RHOA: variants seen among roughly 807,000 people sequenced by gnomAD.
The protein encoded by RHOA is ras homolog family member A, also known as transforming protein RhoA.
In RHOA, 3 loss-of-function variants were observed where a neutral mutation model predicts 17.5. That is an observed-to-expected ratio of 0.17 (90% confidence interval 0.08 to 0.44). The LOEUF (loss-of-function observed/expected upper bound fraction) is 0.44. Ranked by LOEUF, RHOA falls within the 20% of genes least tolerant of loss-of-function variation. RHOA has a pLI of 0.99. For missense variants in RHOA, 56 were observed against 242.3 expected, an observed-to-expected ratio of 0.23 and a Z score of 5.10; for synonymous variants, 98 against 88.4, an observed-to-expected ratio of 1.11 and a Z score of -0.61.
At chr3:49,380,752 G>T (rs1404811515) in intron 1 of RHOA, among the ~76,000 whole-genome samples, 1 of 149,638 alleles carries the variant, frequency 6.7e-6, no homozygotes, top group East Asian at 1.9e-4. Flanking sequence ...ATTGTCTAAA[G>T]GGTATGTTCC....
intron 2 of RHOA, among the ~76,000 whole-genome samples, chr3:49,369,515 C>T (rs1256033351): frequency 6.6e-6 from 1 of 150,914 alleles, no homozygotes; most frequent in Non-Finnish European, 1.5e-5. Context: ...GGCTGACTGC[C>T]TGAGCTCAGG....
intron 2 of RHOA, among the ~76,000 whole-genome samples, chr3:49,369,513 G>C (rs900248266): frequency 7.0e-6 from 1 of 142,348 alleles, no homozygotes; most frequent in South Asian, 2.3e-4. Flanking sequence ...CGGGCTGACT[G>C]CCTGAGCTCA....
At chr3:49,386,694 T>G (rs765360628) in intron 1 of RHOA, among the ~76,000 whole-genome samples, 7 of 152,204 alleles carry the variant, frequency 4.6e-5, no homozygotes, top group Non-Finnish European at 1.0e-4. Context: ...ACTCGATTAA[T>G]TAATATGCAA....
intron 1 of RHOA, among the ~76,000 whole-genome samples, chr3:49,399,324 C>T (rs376873221): frequency 3.3e-5 from 5 of 150,294 alleles, no homozygotes; most frequent in East Asian, 3.9e-4. Context: ...GAGCCGAGAT[C>T]GCACCACTGC....
intron 3 of RHOA, among the ~76,000 whole-genome samples, chr3:49,364,030 G>A (rs2048014390): frequency 6.6e-6 from 1 of 151,612 alleles, no homozygotes; most frequent in South Asian, 2.1e-4. Flanking sequence ...CAGCCAGGGT[G>A]ACAAAGTGAG....
intron 2 of RHOA, 114 bp downstream of exon 2, chr3:49,375,320 C>T: frequency 1.0e-6 from 1 of 985,160 alleles, no homozygotes; most frequent in East Asian, 2.7e-5. Flanking sequence ...ATTCTTCTTT[C>T]CAACATTTTT....
chr3:49,389,143 ACCAACCTGG>A (rs2048453221), intron 1 of RHOA, among the ~76,000 whole-genome samples: 2 of 151,512 alleles, frequency 1.3e-5, no homozygotes, highest in African/African-American at 4.9e-5. Flanking sequence ...GGAGTTCAAG[ACCAACCTGG>A]CCAACCTGGT....
chr3:49,368,330 T>C (rs2048092390), intron 3 of RHOA, 98 bp downstream of exon 3: 1 of 1,446,334 alleles, frequency 6.9e-7, no homozygotes, highest in African/African-American at 1.4e-5. Flanking sequence ...ATTGCTTCTC[T>C]GAAGTTCATG....
At chr3:49,370,550 C>G (rs1016928831) in intron 2 of RHOA, among the ~76,000 whole-genome samples, 4 of 152,180 alleles carry the variant, frequency 2.6e-5, no homozygotes, top group Admixed American at 2.0e-4. Flanking sequence ...TAGGCAAGGC[C>G]TGAGATGACA....
At chr3:49,384,101 T>C (rs2048360167) in intron 1 of RHOA, among the ~76,000 whole-genome samples, 1 of 152,128 alleles carries the variant, frequency 6.6e-6, no homozygotes, top group Non-Finnish European at 1.5e-5. Context: ...AATAAAATCA[T>C]TTAGCCACTA....
chr3:49,398,264 T>C (rs2048652700), intron 1 of RHOA, among the ~76,000 whole-genome samples: 3 of 151,932 alleles, frequency 2.0e-5, no homozygotes, highest in South Asian at 4.2e-4. Flanking sequence ...GACACGAGAA[T>C]TGCTTGAACC....
At chr3:49,386,201 T>C (rs185096240) in intron 1 of RHOA, among the ~76,000 whole-genome samples, 48 of 151,888 alleles carry the variant, frequency 3.2e-4, no homozygotes, top group African/African-American at 1.2e-3. Flanking sequence ...TCTTCTGACA[T>C]ATGAACATGG....
chr3:49,401,558 C>CAA (rs5848878), intron 1 of RHOA, among the ~76,000 whole-genome samples: 166 of 131,918 alleles, frequency 1.3e-3, no homozygotes, highest in Non-Finnish European at 1.8e-3. Context: ...AACTCTGTCT[C>CAA]AAAAAAAAAA....
chr3:49,382,687 T>C (rs183652221), intron 1 of RHOA, among the ~76,000 whole-genome samples: 1 of 152,284 alleles, frequency 6.6e-6, no homozygotes, highest in East Asian at 1.9e-4. Context: ...CTAATCTGCA[T>C]GGGCTTTTGC....
chr3:49,371,735 C>T (rs189318625), intron 2 of RHOA, among the ~76,000 whole-genome samples: 1 of 152,288 alleles, frequency 6.6e-6, no homozygotes, highest in East Asian at 1.9e-4. Context: ...GAGAACCTCC[C>T]CCTATCTTGC....
intron 1 of RHOA, among the ~76,000 whole-genome samples, chr3:49,376,568 A>C (rs2048230799): frequency 6.7e-6 from 1 of 149,886 alleles, no homozygotes; most frequent in East Asian, 2.0e-4. Context: ...GCGTGAACCC[A>C]GGAGACAGAG....
chr3:49,383,661 T>C (rs1321459765), intron 1 of RHOA, among the ~76,000 whole-genome samples: 2 of 152,150 alleles, frequency 1.3e-5, no homozygotes, highest in Admixed American at 6.6e-5. Flanking sequence ...TCTTCTATTC[T>C]GTTTGTGCCT....
At chr3:49,368,624 T>C (rs1367892628) in intron 2 of RHOA, 76 bp from the exon 3 acceptor site, 12 of 1,526,800 alleles carry the variant, frequency 7.9e-6, no homozygotes, top group Admixed American at 5.3e-5. Flanking sequence ...ACACTTACCA[T>C]AGTACATTGA....
intron 1 of RHOA, among the ~76,000 whole-genome samples, chr3:49,398,994 G>A (rs1298935930): frequency 1.4e-5 from 2 of 139,340 alleles, no homozygotes; most frequent in African/African-American, 5.3e-5. Context: ...GGCAGAGGTT[G>A]CAGTTAGCTG....
Sources: allele counts gnomAD v4.1 joint callset (sites outside exome capture counted in the v4.1 genomes callset), GRCh38; gene constraint gnomAD v4.1.1; transcripts MANE v1.5; gene names NCBI Gene and HGNC (gene_info 2026-07-23, HGNC 2026-07-21).